CSMD1: variants seen among roughly 807,000 people sequenced by gnomAD.
The protein encoded by CSMD1 is CUB and Sushi multiple domains 1, also known as CUB and sushi domain-containing protein 1.
In CSMD1, 213 loss-of-function variants were observed where a neutral mutation model predicts 417.5. That is an observed-to-expected ratio of 0.51 (90% confidence interval 0.46 to 0.57). CSMD1 has a LOEUF of 0.57. CSMD1 is among the 20% of genes least tolerant of loss of function. The probability of loss-of-function intolerance (pLI) is 0.00; values close to 1 mark genes in which losing one functional copy is unlikely to be tolerated. For synonymous variants in CSMD1, 2,862 were observed against 1,736.8 expected, an observed-to-expected ratio of 1.65 and a Z score of -16.11; for missense variants, 6,923 against 4,529.7, an observed-to-expected ratio of 1.53 and a Z score of -15.17.
chr8:3,376,666 C>A lies in CSMD1; in HGVS notation c.2783-7296G>T, dbSNP rs552911659. Among the ~76,000 whole-genome samples the A allele has an allele frequency of 2.6e-5, 4 of 152,058 alleles. No individual in the cohort carries two copies. The South Asian group carries it at 6.2e-4, about 24-fold the overall frequency. ...CACAAAATTAGAGGACAATTTATCC[C>A]AATGTTCACTTCTTTAACATTTGAA... On this transcript the variant is annotated intron_variant, in intron 18 of 69. Transcript: ENST00000635120.
At chr8:3,464,853 T>G (rs1746662695) in intron 12 of CSMD1, among the ~76,000 whole-genome samples, 1 of 152,148 alleles carries the variant, frequency 6.6e-6, no homozygotes. Flanking sequence ...AAAGCTTACC[T>G]CTCTCCCATT....
At chr8:4,040,071 T>C (rs1237846966) in intron 3 of CSMD1, among the ~76,000 whole-genome samples, 3 of 152,178 alleles carry the variant, frequency 2.0e-5, no homozygotes, top group Admixed American at 2.0e-4. Context: ...AGGGAAATAA[T>C]ACAATTTTCA....
At chr8:4,464,799 A>G (rs1293209445) in intron 2 of CSMD1, among the ~76,000 whole-genome samples, 3 of 152,122 alleles carry the variant, frequency 2.0e-5, no homozygotes, top group African/African-American at 7.2e-5. Context: ...GAGATCAAGA[A>G]AACTGATTCT....
chr8:4,701,313 G>A (rs867596331), intron 1 of CSMD1, among the ~76,000 whole-genome samples: 5 of 98,326 alleles, frequency 5.1e-5, no homozygotes, highest in African/African-American at 2.2e-4. Flanking sequence ...TCCTTCCTTT[G>A]ATGCTTTTTT....
At chr8:4,856,363 A>C (rs1585219453) in intron 1 of CSMD1, among the ~76,000 whole-genome samples, 1 of 145,842 alleles carries the variant, frequency 6.9e-6, no homozygotes, top group East Asian at 2.0e-4. Context: ...TCAACTAACG[A>C]GCAAAATAAC....
chr8:3,960,844 T>C (rs796302633), intron 5 of CSMD1, among the ~76,000 whole-genome samples: 38 of 152,130 alleles, frequency 2.5e-4, no homozygotes, highest in Middle Eastern at 6.9e-3. Flanking sequence ...AATCGTAACA[T>C]TGTCATAAAA....
At chr8:4,435,955 T>G (rs1239627940) in intron 2 of CSMD1, among the ~76,000 whole-genome samples, 1 of 152,190 alleles carries the variant, frequency 6.6e-6, no homozygotes, top group East Asian at 1.9e-4. Flanking sequence ...TCTTAGCCTT[T>G]ACATCCACAC....
In CSMD1 at chr8:3,375,578, G is replaced by A. The variant is rs193290683; in HGVS notation, c.2783-6208C>T. ...TATATATATTTTTATGAATAAATAT[G>A]TTGTTCACATATTTATTTATAATAG... On this transcript the variant is annotated intron_variant, in intron 18 of 69. Coordinates refer to ENST00000635120, the MANE Select transcript of CSMD1 (RefSeq NM_033225.6). 5.7e-4 allele frequency among the ~76,000 whole-genome samples: 87 copies of A among 152,006 alleles called. No homozygotes were observed. In the Middle Eastern group the frequency reaches 0.034, roughly 59 times the overall value.
At chr8:3,060,993 T>G (rs1812555288) in intron 49 of CSMD1, among the ~76,000 whole-genome samples, 1 of 152,196 alleles carries the variant, frequency 6.6e-6, no homozygotes. Context: ...GAAACCATGA[T>G]CAAATATGCA....
intron 26 of CSMD1, among the ~76,000 whole-genome samples, chr8:3,231,709 C>G (rs879796771): frequency 6.6e-6 from 1 of 152,116 alleles, no homozygotes; most frequent in African/African-American, 2.4e-5. Context: ...AAAGCTCTAT[C>G]CAATAGTGTC....
chr8:4,439,354 G>A lies in CSMD1; in HGVS notation c.303-19289C>T, dbSNP rs66480013. 2.0e-5 allele frequency among the ~76,000 whole-genome samples: 3 copies of A among 151,986 alleles called. No homozygotes were observed. The East Asian group carries it at 5.8e-4, about 29-fold the overall frequency. On this transcript the variant is annotated intron_variant, in intron 2 of 69. Coordinates refer to ENST00000635120, the MANE Select transcript of CSMD1 (RefSeq NM_033225.6). Reference sequence around the variant, plus strand: ...ATAATTATTCAAAATTAAAGAAATTGTGAGATATTACTATACAACTTTGTG... The same window carrying A: ...ATAATTATTCAAAATTAAAGAAATTATGAGATATTACTATACAACTTTGTG...
chr8:4,861,158 T>C lies in CSMD1; in HGVS notation c.85+133174A>G, dbSNP rs149011686. On this transcript the variant is annotated intron_variant, in intron 1 of 69. Transcript: ENST00000635120. The stretch of plus-strand genomic sequence containing the variant: ...AGTGAATGTTCGTTGAACAAATACA[T>C]AAATGGAAGTTGATAATAGATTCTG... Among the ~76,000 whole-genome samples, 556 of 152,278 alleles carry C rather than the reference T, an allele frequency of 3.7e-3. 4 individuals are homozygous for C. The highest frequency in any genetic ancestry group is 4.5e-3 in the Non-Finnish European group (309 of 68,022).
intron 37 of CSMD1, among the ~76,000 whole-genome samples, chr8:3,165,139 T>G (rs1434112065): frequency 6.6e-6 from 1 of 152,086 alleles, no homozygotes; most frequent in African/African-American, 2.4e-5. Context: ...AAAAGAACCA[T>G]CTTTTCTTCT....
Position 3,640,630 on chromosome 8 carries a change from C to T in CSMD1, c.1010-23833G>A, listed in dbSNP as rs942510553. On this transcript the variant is annotated intron_variant, in intron 7 of 69. Transcript: ENST00000635120. The stretch of plus-strand genomic sequence containing the variant: ...GGTGGTCTCTGAGACCTCAGTCGTC[C>T]TGCTACGTAAATTAGATATTCCTTT... Among the ~76,000 whole-genome samples the T allele has an allele frequency of 5.3e-4, 81 of 152,166 alleles. 1 individual carries two copies. Among genetic ancestry groups the T allele is most frequent in the Admixed American group, 5.1e-3 (78 of 15,280 alleles).
chr8:3,557,607 G>C (rs1799213584), intron 10 of CSMD1, among the ~76,000 whole-genome samples: 1 of 152,174 alleles, frequency 6.6e-6, no homozygotes, highest in Admixed American at 6.5e-5. Flanking sequence ...CACTGCTTGA[G>C]GCTTTCTTTC....
intron 3 of CSMD1, among the ~76,000 whole-genome samples, chr8:4,310,889 G>C (rs552097648): frequency 2.0e-5 from 3 of 152,118 alleles, no homozygotes. Context: ...TGGCCAACAA[G>C]CATATGAAAA....
chr8:4,961,378 T>G (rs1585413767), intron 1 of CSMD1, among the ~76,000 whole-genome samples: 1 of 152,146 alleles, frequency 6.6e-6, no homozygotes, highest in East Asian at 1.9e-4. Context: ...CCTGAGGCAT[T>G]CAGTAGAATG....
chr8:3,513,276 G>C (rs1797154178), intron 10 of CSMD1, among the ~76,000 whole-genome samples: 1 of 151,738 alleles, frequency 6.6e-6, no homozygotes, highest in African/African-American at 2.4e-5. Context: ...TTTTTTGTAA[G>C]AGGAGTATTT....
At chr8:3,278,496 A>G (rs1286960944) in intron 26 of CSMD1, 1 of 152,198 alleles carries the variant, frequency 6.6e-6, no homozygotes, top group Non-Finnish European at 1.5e-5. Flanking sequence ...GCTTGGAAAC[A>G]ATGGCCACAC....
Sources: gnomAD v4.1 joint callset for allele counts (sites outside exome capture counted in the v4.1 genomes callset) on GRCh38, gnomAD v4.1.1 for gene constraint, MANE v1.5 for transcripts, NCBI Gene and HGNC (gene_info 2026-07-23, HGNC 2026-07-21) for gene names.